GALNT13: variants seen among roughly 807,000 people sequenced by gnomAD.
The protein encoded by GALNT13 is polypeptide N-acetylgalactosaminyltransferase 13.
A neutral mutation model predicts 64.2 loss-of-function variants in GALNT13; 28 were observed. The observed-to-expected ratio is 0.44, with a 90% CI of 0.32 to 0.60. The LOEUF (loss-of-function observed/expected upper bound fraction) is 0.60. Among genes scored for constraint, GALNT13 ranks in the 20% least tolerant of loss-of-function variants. The probability of loss-of-function intolerance (pLI) is 0.05; values close to 1 mark genes in which losing one functional copy is unlikely to be tolerated. For missense variants in GALNT13, 577 were observed against 669.8 expected, an observed-to-expected ratio of 0.86 and a Z score of 1.53; for synonymous variants, 214 against 224.6, an observed-to-expected ratio of 0.95 and a Z score of 0.42.
At chr2:153,639,564 C>G in the GALNT13 span, among the ~76,000 whole-genome samples, 1 of 152,022 alleles carries the variant, frequency 6.6e-6, no homozygotes, top group South Asian at 2.1e-4. Flanking sequence ...AGTGAGAGAA[C>G]GTGACTGTGA....
intron 2 of GALNT13, among the ~76,000 whole-genome samples, chr2:153,930,266 T>TA (rs1483184294): frequency 1.3e-5 from 2 of 152,130 alleles, no homozygotes; most frequent in Non-Finnish European, 2.9e-5. Flanking sequence ...AGTTTGCAGA[T>TA]ACGTTCTTCC....
At chr2:153,276,828 T>A in the GALNT13 span, among the ~76,000 whole-genome samples, 8 of 152,176 alleles carry the variant, frequency 5.3e-5, no homozygotes, top group Non-Finnish European at 1.2e-4. Flanking sequence ...GAGGAAATAT[T>A]TTCTCTAACT....
chr2:153,554,082 C>G, the GALNT13 span, among the ~76,000 whole-genome samples: 1 of 150,924 alleles, frequency 6.6e-6, no homozygotes, highest in East Asian at 2.0e-4. Context: ...TTTGGGAGGC[C>G]AAGGTGGGCG....
chr2:154,357,087 C>A (rs890529142), intron 9 of GALNT13, among the ~76,000 whole-genome samples: 1 of 152,000 alleles, frequency 6.6e-6, no homozygotes, highest in Admixed American at 6.6e-5. Flanking sequence ...GATCTATCTT[C>A]TAATTGCTTT....
At chr2:153,462,656 T>A in the GALNT13 span, among the ~76,000 whole-genome samples, 1 of 152,090 alleles carries the variant, frequency 6.6e-6, no homozygotes, top group Non-Finnish European at 1.5e-5. Context: ...TCCCTGTTGT[T>A]TAGAATCAAA....
chr2:154,427,677 A>G (rs917170626), intron 11 of GALNT13, among the ~76,000 whole-genome samples: 1 of 152,194 alleles, frequency 6.6e-6, no homozygotes, highest in Non-Finnish European at 1.5e-5. Flanking sequence ...ATTTTAGAGC[A>G]TTAAAGCTGT....
the GALNT13 span, among the ~76,000 whole-genome samples, chr2:153,272,087 C>G: frequency 2.0e-5 from 3 of 152,112 alleles, no homozygotes; most frequent in Non-Finnish European, 4.4e-5. Flanking sequence ...AAACCGGACC[C>G]CTTTTCTACA....
At chr2:154,288,741 G>T (rs910931512) in intron 8 of GALNT13, among the ~76,000 whole-genome samples, 9 of 152,218 alleles carry the variant, frequency 5.9e-5, no homozygotes, top group African/African-American at 9.6e-5. Flanking sequence ...GATGCAAGAG[G>T]TGGGTTTCCA....
the GALNT13 span, among the ~76,000 whole-genome samples, chr2:153,319,228 C>A: frequency 6.6e-6 from 1 of 152,132 alleles, no homozygotes; most frequent in Admixed American, 6.5e-5. Context: ...CATGCAAGTA[C>A]TTTATAAACT....
chr2:154,237,585 AAC>A (rs1212216426), intron 4 of GALNT13, among the ~76,000 whole-genome samples: 1 of 148,592 alleles, frequency 6.7e-6, no homozygotes, highest in East Asian at 2.0e-4. Context: ...TATATAGTAT[AAC>A]ATATAGTATA....
chr2:154,101,955 G>A (rs1453239255), intron 3 of GALNT13, among the ~76,000 whole-genome samples: 3 of 152,044 alleles, frequency 2.0e-5, no homozygotes, highest in African/African-American at 7.2e-5. Flanking sequence ...TGAATTTTAA[G>A]AGTTCCTCTT....
chr2:153,345,805 C>G, the GALNT13 span, among the ~76,000 whole-genome samples: 1 of 146,896 alleles, frequency 6.8e-6, no homozygotes, highest in Non-Finnish European at 1.5e-5. Context: ...TTCTCTCTTT[C>G]TTTCCTTTCT....
At chr2:154,068,395 TAAG>T (rs1700575415) in intron 3 of GALNT13, among the ~76,000 whole-genome samples, 8 of 151,912 alleles carry the variant, frequency 5.3e-5, no homozygotes, top group Admixed American at 5.2e-4. Context: ...TCAGTATGTC[TAAG>T]ATATAGACAT....
the GALNT13 span, among the ~76,000 whole-genome samples, chr2:153,740,687 T>C: frequency 2.6e-5 from 4 of 152,118 alleles, no homozygotes; most frequent in African/African-American, 9.7e-5. Flanking sequence ...TCCTTCGGAG[T>C]TTTCAGTGGT....
chr2:154,257,588 A>T (rs1173181490), intron 7 of GALNT13: 1 of 152,158 alleles, frequency 6.6e-6, no homozygotes, highest in Non-Finnish European at 1.5e-5. Flanking sequence ...ACTGTTCATG[A>T]TAGGAACCCA....
chr2:153,322,525 T>C, the GALNT13 span, among the ~76,000 whole-genome samples: 3 of 152,170 alleles, frequency 2.0e-5, no homozygotes, highest in African/African-American at 7.2e-5. Context: ...TATTATACTT[T>C]AAGTTCTGGG....
the GALNT13 span, among the ~76,000 whole-genome samples, chr2:153,483,110 C>T: frequency 3.2e-3 from 490 of 152,236 alleles, 4 homozygotes; most frequent in African/African-American, 0.011. Flanking sequence ...TTGGAACCCT[C>T]GTGCATTGCT....
At chr2:153,513,247 G>A in the GALNT13 span, among the ~76,000 whole-genome samples, 7 of 152,058 alleles carry the variant, frequency 4.6e-5, no homozygotes, top group African/African-American at 1.7e-4. Context: ...CCATTTGAGT[G>A]CTTCTGAATC....
chr2:154,013,728 G>A (rs1696804475), intron 3 of GALNT13, among the ~76,000 whole-genome samples: 1 of 152,166 alleles, frequency 6.6e-6, no homozygotes, highest in Non-Finnish European at 1.5e-5. Context: ...GGTGGGCAAG[G>A]CAGCAGAGTG....
Sources: allele counts gnomAD v4.1 joint callset (sites outside exome capture counted in the v4.1 genomes callset), GRCh38; gene constraint gnomAD v4.1.1; transcripts MANE v1.5; gene names NCBI Gene and HGNC (gene_info 2026-07-23, HGNC 2026-07-21).